The following SLC4A2 variants were observed in gnomAD, a reference collection of about 807,000 sequenced individuals.
SLC4A2 encodes anion exchange protein 2.
SLC4A2 carries 36 observed loss-of-function variants against 115.0 expected under a neutral mutation model. The observed-to-expected ratio is 0.31, with a 90% confidence interval of 0.24 to 0.41. SLC4A2 has a LOEUF of 0.41. Among genes scored for constraint, SLC4A2 ranks in the 10% least tolerant of loss-of-function variants. The pLI, the probability that SLC4A2 is intolerant of heterozygous loss-of-function variation, is 1.00. For missense variants in SLC4A2, 1,252 were observed against 1,705.6 expected (o/e 0.73, Z 4.68); for synonymous variants, 708 against 708.3 (o/e 1.00, Z 0.01).
intron 2 of SLC4A2, 134 bp downstream of exon 2, chr7:151,062,172 A>C: frequency 1.3e-6 from 1 of 745,102 alleles, no homozygotes. Flanking sequence ...TGCCATCCCT[A>C]CCCTGACTTT....
At chr7:151,064,432 A>C in intron 3 of SLC4A2, 65 bp downstream of exon 3, 1 of 1,549,240 alleles carries the variant, frequency 6.5e-7, no homozygotes, top group Non-Finnish European at 8.8e-7. Flanking sequence ...CAAAGAAGGG[A>C]CTGGGGTCCT....
upstream of SLC4A2, among the ~76,000 whole-genome samples, chr7:151,059,405 G>A (rs935786395): frequency 6.6e-6 from 1 of 152,118 alleles, no homozygotes; most frequent in Non-Finnish European, 1.5e-5. The surrounding 1 kb of genome is among the most constrained non-coding windows in gnomAD (Gnocchi z 5.8). Flanking sequence ...CAGAGGTGCC[G>A]TAATGGAGCC....
Position 151,064,650 on chromosome 7 carries a change from G to A in SLC4A2, c.342G>A (p.Pro114=), listed in dbSNP as rs570492111. The A allele has an allele frequency of 1.4e-5, 22 of 1,613,756 alleles. 1 individual carries two copies. The highest frequency in any genetic ancestry group is 8.0e-5 in the African/African-American group (6 of 75,036). Residue 114 remains proline, a synonymous_variant, in exon 4 of 23, where the codon CCG becomes CCA. Transcript: ENST00000413384. ...CTCGAAGGCGCCCGGGAGCCTCCCC[G>A]ACTGGAGAAACCCCGACCATTGAGG... ...RKPRRRPGAS[P]TGETPTIEEG...
chr7:151,065,058 C>T, intron 5 of SLC4A2, 92 bp downstream of exon 5: 1 of 933,682 alleles, frequency 1.1e-6, no homozygotes, highest in Non-Finnish European at 1.7e-6. Flanking sequence ...GCCTTGGAAT[C>T]ACCAGGCCAG....
In SLC4A2 at chr7:151,071,259, C is replaced by G. The variant is rs1366140983; in HGVS notation, c.1937C>G (p.Thr646Arg). The change falls in exon 13 of 23, where the codon ACA (threonine) becomes AGA (arginine). Residue 646 changes from threonine (T) to arginine (R), a missense_variant. Physicochemically the swap from Thr to Arg is moderately conservative, Grantham distance 71. Coordinates refer to ENST00000413384, the MANE Select transcript of SLC4A2 (RefSeq NM_003040.4). This position sits in a 1 kb window ranked among gnomAD's most constrained non-coding sequence, Gnocchi z 5.5. ...GAGGAGCAGGGCCGGCTGCTACCTA[C>G]AGGGGCTGGGCTGGAGCCCAAATCT... Reference protein sequence around the residue: ...KREEQGRLLPTGAGLEPKSAQ... With the variant: ...KREEQGRLLPRGAGLEPKSAQ... 5.7e-6 allele frequency: 9 copies of G among 1,565,346 alleles called. No individual in the cohort carries two copies. The African/African-American group carries it at 6.8e-5, about 12-fold the overall frequency.
chr7:151,075,775 G>A lies in SLC4A2; in HGVS notation c.3471G>A (p.Lys1157=). Residue 1157 remains lysine, a splice_region_variant and synonymous_variant, in exon 21 of 23, where the codon AAG becomes AAA. Coordinates refer to ENST00000413384, the MANE Select transcript of SLC4A2 (RefSeq NM_003040.4). ...KHHPDVTYVK[K]VRTLRMHLFT... ...ACCCAGATGTCACTTACGTCAAGAA[G>A]GTGAGCCCCCCAGCTCCCCACCGGA... 6.2e-7 allele frequency: 1 copy of A among 1,601,444 alleles called. No individual in the cohort carries two copies. The highest frequency in any genetic ancestry group is 8.5e-7 in the Non-Finnish European group (1 of 1,170,246).
At chr7:151,061,754 T>G (rs1797053774) in intron 1 of SLC4A2, 171 bp from the exon 2 acceptor site, 2 of 550,680 alleles carry the variant, frequency 3.6e-6, no homozygotes, top group Admixed American at 3.0e-5. Context: ...TCCTGTCTCC[T>G]TGTTCTTCTC....
At chr7:151,062,920 T>C (rs575304165) in intron 2 of SLC4A2, 1 of 1,397,766 alleles carries the variant, frequency 7.2e-7, no homozygotes, top group South Asian at 1.6e-5. Flanking sequence ...ACCCCAGCCC[T>C]CCCCGCGCTC....
At chr7:151,066,464 G>A (rs1797234719) in intron 5 of SLC4A2, 53 bp from the exon 6 acceptor site, 2 of 1,456,410 alleles carry the variant, frequency 1.4e-6, no homozygotes, top group South Asian at 2.9e-5. Flanking sequence ...TGGGTGCTGG[G>A]CGTGGGGGAG....
At chr7:151,064,805 G>A (rs1227273986) in intron 4 of SLC4A2, 38 bp downstream of exon 4, 1 of 1,612,646 alleles carries the variant, frequency 6.2e-7, no homozygotes, top group Admixed American at 1.7e-5. Context: ...TGTCGGCAGG[G>A]CCCTGGCCTG....
Position 151,076,004 on chromosome 7 carries a change from GC to G in SLC4A2, c.3472-3del. 2.5e-6 allele frequency: 4 copies of G among 1,573,616 alleles called. No homozygotes were observed. Among genetic ancestry groups the G allele is most frequent in the Non-Finnish European group, 3.5e-6 (4 of 1,158,832 alleles). ...GAGGAAGCTGGGCTCACCTGTCTCC[GC>G]CCCCCAGGTCCGGACCCTCCGTATG... is the stretch of plus-strand genomic sequence containing the variant. On this transcript the variant is annotated splice_region_variant and splice_polypyrimidine_tract_variant and intron_variant, in intron 21 of 22. Transcript: ENST00000413384.
chr7:151,064,461 A>AG, intron 3 of SLC4A2, 65 bp from the exon 4 acceptor site: 4 of 1,563,920 alleles, frequency 2.6e-6, no homozygotes, highest in Non-Finnish European at 3.5e-6. Context: ...GAGTGGGGCT[A>AG]GGGGGCAGGA....
intron 16 of SLC4A2, among the ~76,000 whole-genome samples, chr7:151,073,107 A>G (rs964762646): frequency 4.5e-4 from 69 of 152,078 alleles, no homozygotes; most frequent in African/African-American, 1.5e-3. Flanking sequence ...GGCGGGCCCC[A>G]CGCCTGGCTA....
rs779530497 is a variant in SLC4A2 at position 151,070,468 on chromosome 7, G to T, written c.1461G>T (p.Pro487=). The change falls in exon 11 of 23, where the codon CCG becomes CCT. Residue 487 remains proline (P), a synonymous_variant. Transcript: ENST00000413384. ...RLEVEREREL[P]PPAPPAGITR... is the part of the protein sequence containing the mutation. ...TCTGTGTCCCCCAGCGTGAGCTGCC[G>T]CCTCCAGCACCACCAGCTGGCATCA... The T allele has an allele frequency of 3.1e-6, 5 of 1,612,532 alleles. No individual in the cohort carries two copies. The East Asian group carries it at 8.9e-5, about 29-fold the overall frequency.
At position 151,074,197 on chromosome 7, in the gene SLC4A2, C is replaced by G; in HGVS notation, c.2694C>G (p.Pro898=). The G allele has an allele frequency of 6.2e-7, 1 of 1,613,100 alleles. No individual in the cohort carries two copies. Among genetic ancestry groups the G allele is most frequent in the Non-Finnish European group, 8.5e-7 (1 of 1,180,008 alleles). Residue 898 remains proline (P), a synonymous_variant, in exon 17 of 23, where the codon CCC becomes CCG. Transcript: ENST00000413384. ...GGCAGGGGAAGCCCCGGGGCCAGCCCAACACGGCCCTGCTGTCGCTGGTGC... is the reference window on the plus strand; with the variant it reads ...GGCAGGGGAAGCCCCGGGGCCAGCCGAACACGGCCCTGCTGTCGCTGGTGC... ...QSGQGKPRGQ[P]NTALLSLVLM...
At position 151,072,058 on chromosome 7, in the gene SLC4A2, C is replaced by G; in HGVS notation, c.2457C>G (p.Val819=). Residue 819 remains valine, a synonymous_variant, in exon 16 of 23, where the codon GTC becomes GTG. Transcript: ENST00000413384. ...AGGGGAGCTTCCTGGTCCGCTTCGTCTCCCGCTTCACCCAGGAGATCTTCG... is the reference window on the plus strand; with the variant it reads ...AGGGGAGCTTCCTGGTCCGCTTCGTGTCCCGCTTCACCCAGGAGATCTTCG... The part of the protein sequence containing the change: ...ALEGSFLVRF[V]SRFTQEIFAF... The G allele has an allele frequency of 6.2e-7, 1 of 1,614,178 alleles. No individual in the cohort carries two copies. The highest frequency in any genetic ancestry group is 1.1e-5 in the South Asian group (1 of 91,088).
intron 5 of SLC4A2, 144 bp downstream of exon 5, chr7:151,065,110 CTTAA>C (rs1797187904): frequency 6.1e-6 from 4 of 660,986 alleles, no homozygotes; most frequent in Non-Finnish European, 1.1e-5. Flanking sequence ...GGGCAAGTAA[CTTAA>C]TTAAGCTCTC....
Position 151,064,382 on chromosome 7 carries a change from AGGGGAG to A in SLC4A2, c.217+23_217+28del. ...AGACTTTGAGTGTGAGGGGGCAGGC[AGGGGAG>A]GGGGAGGTGGGGGGATCAGGTTTGA... On this transcript the variant is annotated intron_variant, in intron 3 of 22. Coordinates refer to ENST00000413384, the MANE Select transcript of SLC4A2 (RefSeq NM_003040.4). 1 of 183,294 alleles carries A rather than the reference AGGGGAG, an allele frequency of 5.5e-6. No individual in the cohort carries two copies. Among genetic ancestry groups the A allele is most frequent in the Non-Finnish European group, 9.4e-6 (1 of 106,820 alleles). 11.4% of individuals were successfully genotyped at this position (183,294 alleles called of 1,614,324 possible).
chr7:151,074,500 C>A lies in SLC4A2; in HGVS notation c.2880+12C>A. On this transcript the variant is annotated intron_variant, in intron 18 of 22. Transcript: ENST00000413384. ...ACACCTATACCCAGGTAAGGTGCTG[C>A]CCACAGCAGGCAAGTGCTGCTGCCT... 5 of 1,612,662 alleles carry A rather than the reference C, an allele frequency of 3.1e-6. No homozygotes were observed. The highest frequency in any genetic ancestry group is 3.4e-6 in the Non-Finnish European group (4 of 1,179,024).
Sources: gnomAD v4.1 joint callset for allele counts (sites outside exome capture counted in the v4.1 genomes callset) on GRCh38, gnomAD v4.1.1 for gene constraint, Gnocchi (gnomAD v3.1) non-coding constraint, MANE v1.5 for transcripts, NCBI Gene and HGNC (gene_info 2026-07-23, HGNC 2026-07-21) for gene names.